ATRX: variants seen among roughly 807,000 people sequenced by gnomAD.
The protein encoded by ATRX is chromatin remodeler ATRX.
Under a neutral mutation model 172.6 loss-of-function variants are expected in ATRX, and 12 were observed. That is an observed-to-expected ratio of 0.07 (90% CI 0.04 to 0.11). The LOEUF (loss-of-function observed/expected upper bound fraction) is 0.11, where lower values mean the gene tolerates loss of function less well. Ranked by LOEUF, ATRX falls within the 10% of genes least tolerant of loss-of-function variation. ATRX has a pLI of 1.00. For synonymous variants in ATRX, 674 were observed against 594.7 expected (o/e 1.13, Z -1.94); for missense variants, 1,368 against 1,767.4 (o/e 0.77, Z 4.05).
chrX:77,719,184 G>A (rs957439000), intron 1 of ATRX, among the ~76,000 whole-genome samples: 3 of 111,008 alleles, frequency 2.7e-5, no homozygotes, highest in East Asian at 5.6e-4. Context: ...GAGAGAAAAC[G>A]ATTTTCAAAT....
intron 15 of ATRX, among the ~76,000 whole-genome samples, chrX:77,645,540 A>G (rs1229798506): frequency 2.7e-5 from 3 of 111,842 alleles, no homozygotes; most frequent in Admixed American, 9.5e-5. Context: ...GACCTGCCCT[A>G]TAAAAAATGC....
intron 22 of ATRX, among the ~76,000 whole-genome samples, chrX:77,605,069 CACTAAAAGCCCTG>C (rs1236783579): frequency 8.9e-6 from 1 of 111,992 alleles, no homozygotes; most frequent in Non-Finnish European, 1.9e-5. Flanking sequence ...TCTGTGTATA[CACTAAAAGCCCTG>C]ACTTCACCAC....
intron 19 of ATRX, among the ~76,000 whole-genome samples, chrX:77,626,372 A>G (rs1602935007): frequency 1.8e-5 from 2 of 108,922 alleles, no homozygotes; most frequent in Middle Eastern, 9.4e-3. Flanking sequence ...GGATCTCACA[A>G]ATCACCACTA....
At position 77,574,297 on chromosome X, in the gene ATRX, C is replaced by T. The variant is rs2148019695; in HGVS notation, c.6279G>A (p.Gln2093=). 1.7e-6 allele frequency: 2 copies of T among 1,208,502 alleles called. No homozygotes were observed. Among genetic ancestry groups the T allele is most frequent in the Non-Finnish European group, 2.2e-6 (2 of 893,111 alleles). The stretch of plus-strand genomic sequence containing the variant: ...ATTCTTCAGCCCACTTCTTCCTTGA[C>T]TGTGCAGTAGTGGAACCATCTAAAC... ...YYRLDGSTTA[Q]SRKKWAEEFN... The change falls in exon 28 of 35, where the codon CAG becomes CAA. Residue 2093 remains glutamine (Q), a synonymous_variant. Coordinates refer to ENST00000373344, the MANE Select transcript of ATRX (RefSeq NM_000489.6).
chrX:77,610,231 G>A lies in ATRX; in HGVS notation c.5566+6382C>T, dbSNP rs782614018. On this transcript the variant is annotated intron_variant, in intron 22 of 34. Transcript: ENST00000373344. ...CACTGTGGCATACTTTTAGTTTTCT[G>A]GTATAATTGTCCTGGCCAGAACCTC... 3.6e-5 allele frequency among the ~76,000 whole-genome samples: 4 copies of A among 111,766 alleles called. No individual in the cohort carries two copies. The East Asian group carries it at 1.1e-3, about 31-fold the overall frequency.
chrX:77,629,288 T>G (rs577627884), intron 19 of ATRX, among the ~76,000 whole-genome samples: 1 of 112,473 alleles, frequency 8.9e-6, no homozygotes, highest in East Asian at 2.8e-4. Context: ...AAATTGGGCA[T>G]AAAATGGAAA....
rs190352647 is a variant in ATRX, at chrX:77,663,104, T to C, written c.4120+278A>G. Among the ~76,000 whole-genome samples, 200 of 111,666 alleles carry C rather than the reference T, an allele frequency of 1.8e-3. No individual in the cohort carries two copies. The Middle Eastern group carries it at 0.023, about 13-fold the overall frequency. Reference sequence around the variant, plus strand: ...CTCTGTCGCCCAGGCTGCAATGCAGTGGTGCAATCGCTGCTCACTACAGCC... The same window carrying C: ...CTCTGTCGCCCAGGCTGCAATGCAGCGGTGCAATCGCTGCTCACTACAGCC... On this transcript the variant is annotated intron_variant, in intron 12 of 34. Transcript: ENST00000373344.
intron 34 of ATRX, among the ~76,000 whole-genome samples, chrX:77,515,597 G>A (rs2063025851): frequency 9.0e-6 from 1 of 111,277 alleles, no homozygotes; most frequent in Non-Finnish European, 1.9e-5. Flanking sequence ...AAAAATTGAG[G>A]CGTTGCATCC....
In ATRX at chrX:77,697,985, A is replaced by G. The variant is rs146563506; in HGVS notation, c.190-350T>C. ...ACAAAACAAAGATGCAGAAGTAATC[A>G]GATCTCAAGAGAAGTAGGGAGTTTC... On this transcript the variant is annotated intron_variant, in intron 3 of 34. Transcript: ENST00000373344. 3.5e-3 allele frequency among the ~76,000 whole-genome samples: 393 copies of G among 111,914 alleles called. 3 individuals are homozygous for G. Among genetic ancestry groups the G allele is most frequent in the African/African-American group, 0.012 (376 of 30,858 alleles).
intron 1 of ATRX, among the ~76,000 whole-genome samples, chrX:77,773,528 C>T (rs1400535272): frequency 2.7e-5 from 3 of 111,036 alleles, no homozygotes; most frequent in Admixed American, 9.6e-5. Flanking sequence ...CCAAGGCGGG[C>T]GGATCACGAA....
At chrX:77,522,735 G>A (rs1817804106) in intron 31 of ATRX, among the ~76,000 whole-genome samples, 1 of 111,787 alleles carries the variant, frequency 8.9e-6, no homozygotes, top group African/African-American at 3.2e-5. Flanking sequence ...CCATGCTCAG[G>A]CACATTTTTG....
At position 77,636,166 on chromosome X, in the gene ATRX, C is replaced by T; in HGVS notation, c.4558-110G>A. On this transcript the variant is annotated intron_variant, in intron 15 of 34. Coordinates refer to ENST00000373344, the MANE Select transcript of ATRX (RefSeq NM_000489.6). Reference sequence around the variant, plus strand: ...TATAGACACATTTACTCCCACACCACAAATCCAATTGGTATGATTTGGATC... The same window carrying T: ...TATAGACACATTTACTCCCACACCATAAATCCAATTGGTATGATTTGGATC... 3 of 736,248 alleles carry T rather than the reference C, an allele frequency of 4.1e-6. No individual in the cohort carries two copies. In the South Asian group the frequency reaches 6.9e-5, roughly 17 times the overall value. 60.7% of individuals were successfully genotyped at this position (736,248 alleles called of 1,213,427 possible). A position where few individuals can be genotyped will look rare whatever the true frequency, so the allele number is the denominator to read the frequency against.
In ATRX at chrX:77,580,777, G is replaced by A. The variant is rs141136186; in HGVS notation, c.6218-6419C>T. 7.9e-3 allele frequency among the ~76,000 whole-genome samples: 879 copies of A among 111,327 alleles called. 10 individuals are homozygous for A. The highest frequency in any genetic ancestry group is 0.028 in the African/African-American group (851 of 30,694). ...GAAAAATACAGAATATTATAACAGC[G>A]TAACTGTGGTGTATAAATTACTCTT... On this transcript the variant is annotated intron_variant, in intron 27 of 34. Transcript: ENST00000373344.
intron 22 of ATRX, among the ~76,000 whole-genome samples, chrX:77,609,073 C>G (rs1557092536): frequency 9.0e-6 from 1 of 111,510 alleles, no homozygotes; most frequent in African/African-American, 3.3e-5. Context: ...GGCTTTTATC[C>G]AAAAGACAGA....
intron 1 of ATRX, among the ~76,000 whole-genome samples, chrX:77,766,619 G>C (rs1271675799): frequency 9.4e-6 from 1 of 105,898 alleles, no homozygotes; most frequent in Non-Finnish European, 1.9e-5. Flanking sequence ...CATCTCAGAC[G>C]ATGAGCGGCC....
intron 15 of ATRX, among the ~76,000 whole-genome samples, chrX:77,649,187 AAAGGAAGGAAGGAAGGAAGGGAGG>A (rs1395220388): frequency 2.7e-5 from 3 of 109,903 alleles, no homozygotes; most frequent in African/African-American, 9.9e-5. Context: ...AGAAAGAAAG[AAAGGAAGGAAGGAAGGAAGGGAGG>A]AAGGAAGGAA....
intron 1 of ATRX, among the ~76,000 whole-genome samples, chrX:77,769,963 G>A (rs1411481304): frequency 9.1e-6 from 1 of 110,239 alleles, no homozygotes; most frequent in African/African-American, 3.3e-5. Flanking sequence ...CGGGTGTGGT[G>A]GAACACGCTA....
intron 12 of ATRX, among the ~76,000 whole-genome samples, chrX:77,659,060 G>A (rs1444975539): frequency 3.6e-5 from 4 of 111,321 alleles, no homozygotes; most frequent in Middle Eastern, 4.6e-3. Flanking sequence ...GGGGGAGAGG[G>A]GAACAAAGAG....
chrX:77,592,413 CAA>C (rs111685679), intron 26 of ATRX, among the ~76,000 whole-genome samples: 6 of 30,377 alleles, frequency 2.0e-4, no homozygotes, highest in Admixed American at 4.0e-4. Flanking sequence ...AACTCCGTCT[CAA>C]AAAAAAAAAA....
Sources: allele counts gnomAD v4.1 joint callset (sites outside exome capture counted in the v4.1 genomes callset), GRCh38; gene constraint gnomAD v4.1.1; transcripts MANE v1.5; gene names NCBI Gene and HGNC (gene_info 2026-07-23, HGNC 2026-07-21).